The following DNHD1 variants were observed in gnomAD, a reference collection of about 807,000 sequenced individuals.
DNHD1 encodes the protein dynein heavy chain domain-containing protein 1.
A neutral mutation model predicts 458.1 loss-of-function variants in DNHD1; 383 were observed. The ratio of observed to expected loss-of-function variants is 0.84; its 90% CI spans 0.77 to 0.91. The LOEUF is 0.91. Among genes scored for constraint, DNHD1 ranks in the 40% least tolerant of loss-of-function variants. DNHD1 has a pLI of 0.00. For missense variants in DNHD1, 5,336 were observed against 5,866.1 expected (o/e 0.91, Z 2.95); for synonymous variants, 2,203 against 2,376.9 (o/e 0.93, Z 2.13).
intron 28 of DNHD1, among the ~76,000 whole-genome samples, chr11:6,562,137 C>T (rs555538828): frequency 2.6e-5 from 4 of 151,986 alleles, no homozygotes; most frequent in Non-Finnish European, 2.9e-5. Context: ...GCAGTGGACA[C>T]GAGAGGCATT....
chr11:6,558,476 G>A lies in DNHD1; in HGVS notation c.9003-9G>A. Reference sequence around the variant, plus strand: ...AAGGGGAGGACATTAGCTGAGCCCTGGCCCACAGGTTCCACCAGCAAGTGT... The same window carrying A: ...AAGGGGAGGACATTAGCTGAGCCCTAGCCCACAGGTTCCACCAGCAAGTGT... On this transcript the variant is annotated splice_polypyrimidine_tract_variant and intron_variant, in intron 25 of 42. Coordinates refer to ENST00000254579, the MANE Select transcript of DNHD1 (RefSeq NM_144666.3). 1 of 1,551,506 alleles carries A rather than the reference G, an allele frequency of 6.4e-7. No homozygotes were observed.
chr11:6,543,426 C>G (rs1353771203), intron 18 of DNHD1, among the ~76,000 whole-genome samples: 1 of 152,198 alleles, frequency 6.6e-6, no homozygotes, highest in African/African-American at 2.4e-5. Context: ...AATGGGCATT[C>G]TTGCTATAGA....
intron 14 of DNHD1, among the ~76,000 whole-genome samples, chr11:6,535,462 G>T (rs911714318): frequency 1.3e-5 from 2 of 152,158 alleles, no homozygotes; most frequent in African/African-American, 4.8e-5. Flanking sequence ...TGATTCCAGG[G>T]CTGTGGCAGG....
rs1259829934 is a variant in DNHD1 at position 6,498,328 on chromosome 11, G to C, written c.113G>C (p.Cys38Ser). 1 of 1,614,108 alleles carries C rather than the reference G, an allele frequency of 6.2e-7. No individual in the cohort carries two copies. The highest frequency in any genetic ancestry group is 1.3e-5 in the African/African-American group (1 of 74,942). The change falls in exon 3 of 43, where the codon TGC (cysteine) becomes TCC (serine). Residue 38 changes from cysteine to serine, a missense_variant. Physicochemically the swap from Cys to Ser is moderately radical, Grantham distance 112. Transcript: ENST00000254579. The stretch of plus-strand genomic sequence containing the variant: ...GACAGCAAAGAACAGCCCTTGGCCT[G>C]CCAGCAGAAACAGAGGCAGTTCGTG... ...VLDSKEQPLA[C>S]QQKQRQFVKP...
chr11:6,559,470 C>T (rs1160776210), intron 28 of DNHD1, among the ~76,000 whole-genome samples, 187 bp downstream of exon 28: 1 of 152,202 alleles, frequency 6.6e-6, no homozygotes, highest in East Asian at 1.9e-4. Flanking sequence ...CATGATACAG[C>T]TAAGACCAGA....
chr11:6,501,344 C>T (rs1037358372), intron 3 of DNHD1, among the ~76,000 whole-genome samples: 10 of 149,134 alleles, frequency 6.7e-5, no homozygotes, highest in African/African-American at 2.5e-4. Flanking sequence ...TATCCCTTAA[C>T]ACAGTGCTTG....
Position 6,551,738 on chromosome 11 carries a change from G to C in DNHD1, c.7387+2805G>C, listed in dbSNP as rs2345346. Reference sequence around the variant, plus strand: ...AGGGCAGATCACGAGGTCAGGAGATGGAGACCATCCTGGCCAACATGGTGA... The same window carrying C: ...AGGGCAGATCACGAGGTCAGGAGATCGAGACCATCCTGGCCAACATGGTGA... On this transcript the variant is annotated intron_variant, in intron 24 of 42. Coordinates refer to ENST00000254579, the MANE Select transcript of DNHD1 (RefSeq NM_144666.3). Among the ~76,000 whole-genome samples the C allele has an allele frequency of 2.3e-3, 352 of 152,098 alleles. 1 individual carries two copies. In the East Asian group the frequency reaches 0.029, roughly 13 times the overall value.
At position 6,564,636 on chromosome 11, in the gene DNHD1, C is replaced by T. The variant is rs903764077; in HGVS notation, c.10588C>T (p.Gln3530Ter). The change falls in exon 32 of 43, where the codon CAG becomes TAG. Residue 3530 changes from glutamine to a stop codon, truncating the protein, a stop_gained. Coordinates refer to ENST00000254579, the MANE Select transcript of DNHD1 (RefSeq NM_144666.3). LOFTEE classifies it high-confidence loss of function. ...QYQWDGNLKP[Q>*]AKSAHLAGLL... ...CCAGTGGGATGGAAACCTGAAGCCACAGGCAAAGTCGGCCCACCTGGCAGG... is the reference window on the plus strand; with the variant it reads ...CCAGTGGGATGGAAACCTGAAGCCATAGGCAAAGTCGGCCCACCTGGCAGG... 1 of 1,551,620 alleles carries T rather than the reference C, an allele frequency of 6.4e-7. No homozygotes were observed. Among genetic ancestry groups the T allele is most frequent in the African/African-American group, 1.4e-5 (1 of 73,052 alleles).
At chr11:6,555,152 C>A (rs1325941907) in intron 24 of DNHD1, among the ~76,000 whole-genome samples, 2 of 152,168 alleles carry the variant, frequency 1.3e-5, no homozygotes, top group Non-Finnish European at 2.9e-5. Flanking sequence ...TATTCCCTTA[C>A]ATATACTGCC....
chr11:6,539,792 T>C (rs891015653), intron 17 of DNHD1, 84 bp from the exon 18 acceptor site: 1 of 1,319,512 alleles, frequency 7.6e-7, no homozygotes, highest in South Asian at 1.3e-5. Flanking sequence ...GAGTTCTGCC[T>C]CAGATCCAAT....
chr11:6,549,161 C>CT, intron 24 of DNHD1: 1 of 577,980 alleles, frequency 1.7e-6, no homozygotes, highest in Non-Finnish European at 3.0e-6. Context: ...CTTTTCTAAG[C>CT]ACCAGATCTG....
Position 6,557,160 on chromosome 11 carries a change from A to C in DNHD1, c.7865A>C (p.His2622Pro), listed in dbSNP as rs1405264822. 1 of 1,551,626 alleles carries C rather than the reference A, an allele frequency of 6.4e-7. No homozygotes were observed. The highest frequency in any genetic ancestry group is 1.2e-5 in the South Asian group (1 of 84,068). ...GTGGACTATCCCAACCACCAGGAGC[A>C]CTTGCGCCGGGTGTCAGGCCTGCGA... is the stretch of plus-strand genomic sequence containing the variant. ...GFVDYPNHQE[H>P]LRRVSGLRGT... The change falls in exon 25 of 43, where the codon CAC becomes CCC. Residue 2622 changes from histidine to proline, a missense_variant. This residue lies in a region of DNHD1 where 3,932 missense variants were observed against 4,365.6 expected (regional missense o/e 0.90). Coordinates refer to ENST00000254579, the MANE Select transcript of DNHD1 (RefSeq NM_144666.3).
chr11:6,557,691 T>G lies in DNHD1; in HGVS notation c.8396T>G (p.Leu2799Arg), dbSNP rs1377756283. 1.9e-6 allele frequency: 3 copies of G among 1,551,758 alleles called. No homozygotes were observed. The highest frequency in any genetic ancestry group is 1.7e-6 in the Non-Finnish European group (2 of 1,146,998). ...TWWQKKPQMD[L>R]ISPLLLPVLL... Reference sequence around the variant, plus strand: ...TGGCAGAAGAAACCCCAGATGGACCTGATCTCACCCTTGTTGTTACCAGTG... The same window carrying G: ...TGGCAGAAGAAACCCCAGATGGACCGGATCTCACCCTTGTTGTTACCAGTG... Residue 2799 changes from leucine (L) to arginine (R), a missense_variant, in exon 25 of 43, where the codon CTG becomes CGG. Leu to Arg is a moderately radical substitution (Grantham distance 102, BLOSUM62 -2). Coordinates refer to ENST00000254579, the MANE Select transcript of DNHD1 (RefSeq NM_144666.3).
At chr11:6,566,552 G>C (rs1206062347) in intron 34 of DNHD1, 35 bp from the exon 35 acceptor site, 1 of 1,609,628 alleles carries the variant, frequency 6.2e-7, no homozygotes, top group South Asian at 1.1e-5. Flanking sequence ...CTCTGCCAAG[G>C]GGAAGAGGTT....
chr11:6,532,185 T>G (rs910860671), intron 12 of DNHD1, among the ~76,000 whole-genome samples: 1 of 152,236 alleles, frequency 6.6e-6, no homozygotes, highest in African/African-American at 2.4e-5. Flanking sequence ...CTGTGCATAT[T>G]TTAACATCTC....
rs1853173099 is a variant in DNHD1, at chr11:6,544,872, T to C, written c.3933T>C (p.Leu1311=). ...ISVADPMVLS[L]VVPSAERSPY... ...TAGCTGACCCCATGGTTCTGTCACT[T>C]GTAGTGCCCAGTGCCGAGAGGAGCC... is the stretch of plus-strand genomic sequence containing the variant. Residue 1311 remains leucine (L), a synonymous_variant, in exon 21 of 43, where the codon CTT becomes CTC. Coordinates refer to ENST00000254579, the MANE Select transcript of DNHD1 (RefSeq NM_144666.3). The C allele has an allele frequency of 6.4e-7, 1 of 1,551,682 alleles. No homozygotes were observed. Among genetic ancestry groups the C allele is most frequent in the Non-Finnish European group, 8.7e-7 (1 of 1,146,978 alleles).
chr11:6,547,508 T>A lies in DNHD1; in HGVS notation c.6569T>A (p.Leu2190Ter). The A allele has an allele frequency of 6.4e-7, 1 of 1,550,928 alleles. No individual in the cohort carries two copies. Among genetic ancestry groups the A allele is most frequent in the Non-Finnish European group, 8.7e-7 (1 of 1,146,324 alleles). ...HMAEVLVPAT[L>*]RFLTCQGVSS... is the part of the protein sequence containing the mutation. ...GCTGAGGTTCTGGTGCCTGCAACAT[T>A]GCGATTCCTCACCTGCCAAGGTGTC... is the stretch of plus-strand genomic sequence containing the variant. Residue 2190 changes from leucine (L) to a stop codon, truncating the protein, a stop_gained, in exon 21 of 43, where the codon TTG becomes TAG. Transcript: ENST00000254579. LOFTEE classifies it high-confidence loss of function.
intron 3 of DNHD1, among the ~76,000 whole-genome samples, chr11:6,499,580 T>C (rs905189329): frequency 6.6e-5 from 10 of 152,174 alleles, no homozygotes; most frequent in Non-Finnish European, 1.5e-4. Flanking sequence ...CTTTCTTTCC[T>C]TTTTTGAGAT....
At position 6,509,194 on chromosome 11, in the gene DNHD1, A is replaced by G. The variant is rs946063054; in HGVS notation, c.1157A>G (p.His386Arg). 32 of 1,614,138 alleles carry G rather than the reference A, an allele frequency of 2.0e-5. No individual in the cohort carries two copies. The highest frequency in any genetic ancestry group is 2.7e-5 in the Non-Finnish European group (32 of 1,180,058). ...AAGAATGTGAGATTACAGGGGCTGC[A>G]TCGACTCCAGAAATTCCTAGAGAAT... ...WKKNVRLQGL[H>R]RLQKFLENHL... Residue 386 changes from histidine to arginine, a missense_variant, in exon 6 of 43, where the codon CAT (histidine) becomes CGT (arginine). By Grantham distance (29) the His-to-Arg change is conservative (BLOSUM62 0). Around this residue, in one of 4 missense-constraint regions of DNHD1, gnomAD observed 3,932 missense variants for 4,365.6 expected, o/e 0.90. Coordinates refer to ENST00000254579, the MANE Select transcript of DNHD1 (RefSeq NM_144666.3).
Sources: allele counts gnomAD v4.1 joint callset (sites outside exome capture counted in the v4.1 genomes callset), GRCh38; gene constraint gnomAD v4.1.1; regional missense constraint gnomAD v4.1.1; transcripts MANE v1.5; gene names NCBI Gene and HGNC (gene_info 2026-07-23, HGNC 2026-07-21).